The following BABAM1 variants were observed in gnomAD, a reference collection of about 807,000 sequenced individuals.
BABAM1 encodes BRISC and BRCA1-A complex member 1.
Under a neutral mutation model 34.4 loss-of-function variants are expected in BABAM1, and 14 were observed. The ratio of observed to expected loss-of-function variants is 0.41; its 90% CI spans 0.27 to 0.64. The LOEUF (loss-of-function observed/expected upper bound fraction) is 0.64. BABAM1 is among the 30% of genes least tolerant of loss of function. The pLI, the probability that BABAM1 is intolerant of heterozygous loss-of-function variation, is 0.34. For missense variants in BABAM1, 393 were observed against 434.0 expected, an observed-to-expected ratio of 0.91 and a Z score of 0.84; for synonymous variants, 169 against 165.8, an observed-to-expected ratio of 1.02 and a Z score of -0.15.
intron 3 of BABAM1, among the ~76,000 whole-genome samples, chr19:17,272,178 G>A (rs2073848871): frequency 1.3e-5 from 2 of 152,214 alleles, no homozygotes; most frequent in African/African-American, 4.8e-5. Context: ...CTGATCTGAA[G>A]TCATCTGCCT....
intron 3 of BABAM1, among the ~76,000 whole-genome samples, chr19:17,272,706 G>A (rs370092459): frequency 3.3e-5 from 5 of 150,234 alleles, no homozygotes; most frequent in African/African-American, 4.9e-5. Context: ...GCGCCCAGCC[G>A]ACCCTGTCTC....
At chr19:17,275,737 G>A (rs370332607) in intron 5 of BABAM1, 64 bp from the exon 6 acceptor site, 59 of 1,608,136 alleles carry the variant, frequency 3.7e-5, no homozygotes, top group African/African-American at 3.6e-4. Context: ...TATCGGGATC[G>A]GGGAAGCCAC....
At chr19:17,267,602 C>T (rs1295281643) in intron 1 of BABAM1, 75 bp downstream of exon 1, 1 of 152,290 alleles carries the variant, frequency 6.6e-6, no homozygotes, top group East Asian at 1.9e-4. Context: ...AGCTCCTCGC[C>T]TTTCCTGGGG....
Position 17,279,117 on chromosome 19 carries a change from G to C in BABAM1, c.*69G>C. The C allele has an allele frequency of 1.3e-6, 2 of 1,503,350 alleles. No homozygotes were observed. Among genetic ancestry groups the C allele is most frequent in the East Asian group, 4.9e-5 (2 of 40,964 alleles). 93.1% of individuals were successfully genotyped at this position (1,503,350 alleles called of 1,614,324 possible). On this transcript the variant is annotated 3_prime_UTR_variant, in exon 9 of 9. Transcript: ENST00000598188. ...GGCCTAAAGCCTTGGTTCTCAAACT[G>C]GGTTCCTTGGGACCTCCGGGGTGGG... is the stretch of plus-strand genomic sequence containing the variant.
Position 17,278,828 on chromosome 19 carries a change from C to T in BABAM1, c.787-17C>T, listed in dbSNP as rs1051015117. Reference sequence around the variant, plus strand: ...TCTGCCTGAACAGCCCTTCACTGACCCCCGCCTCCCCGGCAGGATATGTTT... The same window carrying T: ...TCTGCCTGAACAGCCCTTCACTGACTCCCGCCTCCCCGGCAGGATATGTTT... On this transcript the variant is annotated splice_polypyrimidine_tract_variant and intron_variant, in intron 8 of 8. Transcript: ENST00000598188. 33 of 1,604,656 alleles carry T rather than the reference C, an allele frequency of 2.1e-5. No individual in the cohort carries two copies. The highest frequency in any genetic ancestry group is 2.3e-5 in the Non-Finnish European group (27 of 1,175,636).
rs757371052 is a variant in BABAM1, at chr19:17,276,611, C to T, written c.686C>T (p.Thr229Met). ...RPPCQPQFSLTEPMKKMFQCP... is the reference protein window; with the variant it reads ...RPPCQPQFSLMEPMKKMFQCP... Reference sequence around the variant, plus strand: ...CCTTGCCAGCCCCAGTTCTCCTTGACGGAGCCCATGAAGGTGGGTGAGGCC... The same window carrying T: ...CCTTGCCAGCCCCAGTTCTCCTTGATGGAGCCCATGAAGGTGGGTGAGGCC... Residue 229 changes from threonine (T) to methionine (M), a missense_variant, in exon 7 of 9, where the codon ACG becomes ATG. Coordinates refer to ENST00000598188, the MANE Select transcript of BABAM1 (RefSeq NM_014173.4). 39 of 1,604,856 alleles carry T rather than the reference C, an allele frequency of 2.4e-5. No individual in the cohort carries two copies. The highest frequency in any genetic ancestry group is 3.3e-4 in the Middle Eastern group (2 of 6,072).
chr19:17,277,170 T>TCTTG (rs66517144), intron 8 of BABAM1: 3 of 375,218 alleles, frequency 8.0e-6, no homozygotes, highest in Non-Finnish European at 1.4e-5. Flanking sequence ...TTCCTTTCTT[T>TCTTG]CTTGCTTGCT....
At chr19:17,269,304 G>T (rs1335943391) in intron 2 of BABAM1, among the ~76,000 whole-genome samples, 2 of 151,774 alleles carry the variant, frequency 1.3e-5, no homozygotes, top group African/African-American at 4.8e-5. Flanking sequence ...CCCTCAGGAG[G>T]CTCTAAGGGA....
At chr19:17,272,744 C>T (rs1292508764) in intron 3 of BABAM1, among the ~76,000 whole-genome samples, 1 of 151,616 alleles carries the variant, frequency 6.6e-6, no homozygotes, top group African/African-American at 2.4e-5. Flanking sequence ...AGAAGCCGGG[C>T]TTGGTGGCTC....
chr19:17,272,554 G>A (rs1457542885), intron 3 of BABAM1, among the ~76,000 whole-genome samples: 1 of 151,748 alleles, frequency 6.6e-6, no homozygotes, highest in Non-Finnish European at 1.5e-5. Context: ...ACAGGTGCCT[G>A]CCACCACGCC....
At chr19:17,273,560 T>TTTTTTTTTTG (rs1568334545) in intron 3 of BABAM1, among the ~76,000 whole-genome samples, 27 of 12,738 alleles carry the variant, frequency 2.1e-3, no homozygotes, top group African/African-American at 0.014. Context: ...TTTTTGTTTG[T>TTTTTTTTTTG]TTTGTTTTTT....
chr19:17,269,990 G>A (rs1225497597), intron 2 of BABAM1, among the ~76,000 whole-genome samples: 1 of 151,262 alleles, frequency 6.6e-6, no homozygotes, highest in Non-Finnish European at 1.5e-5. Flanking sequence ...CAGTGCAGTG[G>A]CGCTATCTCG....
At chr19:17,276,662 C>A in intron 7 of BABAM1, 38 bp downstream of exon 7, 1 of 1,580,572 alleles carries the variant, frequency 6.3e-7, no homozygotes, top group East Asian at 2.3e-5. Context: ...TGCCTGCAGC[C>A]ATGAGGATGG....
Position 17,271,617 on chromosome 19 carries a change from A to C in BABAM1, c.306A>C (p.Ser102=), listed in dbSNP as rs1323802478. The change falls in exon 3 of 9, where the codon TCA becomes TCC. Residue 102 remains serine (S), a synonymous_variant. Transcript: ENST00000598188. The part of the protein sequence containing the change: ...PEKVIICLDL[S]EEMSLPKLES... ...TGCAGATTATCTGCCTGGACCTGTCAGAGGAAATGTCACTGCCAAAGCTGG... is the reference window on the plus strand; with the variant it reads ...TGCAGATTATCTGCCTGGACCTGTCCGAGGAAATGTCACTGCCAAAGCTGG... The C allele has an allele frequency of 6.2e-7, 1 of 1,613,820 alleles. No individual in the cohort carries two copies. Among genetic ancestry groups the C allele is most frequent in the East Asian group, 2.2e-5 (1 of 44,888 alleles).
chr19:17,268,403 C>T (rs2073794255), intron 1 of BABAM1, among the ~76,000 whole-genome samples: 1 of 151,810 alleles, frequency 6.6e-6, no homozygotes, highest in South Asian at 2.1e-4. Flanking sequence ...GGCTCATCGC[C>T]CCTCTTCCTT....
In BABAM1 at chr19:17,269,737, T is replaced by G. The variant is rs139320383; in HGVS notation, c.285+646T>G. ...TCTAGTCTTTGCCCAATTTTTTTTT[T>G]TTGTTTTTTTGAGATGGAGTCTTGC... On this transcript the variant is annotated intron_variant, in intron 2 of 8. Transcript: ENST00000598188. 1.0e-2 allele frequency among the ~76,000 whole-genome samples: 1,508 copies of G among 151,120 alleles called. 15 individuals are homozygous for G. The highest frequency in any genetic ancestry group is 0.025 in the African/African-American group (1,011 of 40,780).
At position 17,275,761 on chromosome 19, in the gene BABAM1, A is replaced by G. The variant is rs769814302; in HGVS notation, c.545-40A>G. The G allele has an allele frequency of 5.0e-6, 8 of 1,613,190 alleles. No homozygotes were observed. In the Middle Eastern group the frequency reaches 7.0e-4, roughly 141 times the overall value. Reference sequence around the variant, plus strand: ...CGGGGAAGCCACCTGTTTCCCGCTCACTCGTGCTCTACTAGCCTTCTCCTT... The same window carrying G: ...CGGGGAAGCCACCTGTTTCCCGCTCGCTCGTGCTCTACTAGCCTTCTCCTT... On this transcript the variant is annotated intron_variant, in intron 5 of 8. Coordinates refer to ENST00000598188, the MANE Select transcript of BABAM1 (RefSeq NM_014173.4).
At position 17,276,839 on chromosome 19, in the gene BABAM1, C is replaced by T; in HGVS notation, c.716C>T (p.Pro239Leu). ...CCCCTGCAGAAAATGTTCCAGTGCC[C>T]ATATTTCTTCTTTGACGTTGTTTAC... The part of the protein sequence containing the change: ...TEPMKKMFQC[P>L]YFFFDVVYIH... Residue 239 changes from proline to leucine, a missense_variant, in exon 8 of 9, where the codon CCA becomes CTA. Physicochemically the swap from Pro to Leu is moderately conservative, Grantham distance 98. Coordinates refer to ENST00000598188, the MANE Select transcript of BABAM1 (RefSeq NM_014173.4). 1.2e-6 allele frequency: 2 copies of T among 1,604,984 alleles called. No homozygotes were observed. Among genetic ancestry groups the T allele is most frequent in the Non-Finnish European group, 1.7e-6 (2 of 1,175,700 alleles).
At chr19:17,275,689 C>G (rs1231309150) in intron 5 of BABAM1, 112 bp from the exon 6 acceptor site, 1 of 1,397,430 alleles carries the variant, frequency 7.2e-7, no homozygotes, top group Non-Finnish European at 1.0e-6. Flanking sequence ...TGGCCAGGGT[C>G]ACATGGTGCG....
Sources: gnomAD v4.1 joint callset for allele counts (sites outside exome capture counted in the v4.1 genomes callset) on GRCh38, gnomAD v4.1.1 for gene constraint, MANE v1.5 for transcripts, NCBI Gene and HGNC (gene_info 2026-07-23, HGNC 2026-07-21) for gene names.